Variants in NDST1 observed in about 807,000 individuals in gnomAD.
The protein encoded by NDST1 is N-deacetylase and N-sulfotransferase 1, also known as bifunctional heparan sulfate N-deacetylase/N-sulfotransferase 1.
NDST1 carries 35 observed loss-of-function variants against 92.8 expected under a neutral mutation model. The ratio of observed to expected loss-of-function variants is 0.38; its 90% CI spans 0.29 to 0.50. The LOEUF is 0.50. Among genes scored for constraint, NDST1 ranks in the 20% least tolerant of loss-of-function variants. The probability of loss-of-function intolerance (pLI) is 0.94; values close to 1 mark genes in which losing one functional copy is unlikely to be tolerated. For synonymous variants in NDST1, 493 were observed against 500.3 expected, an observed-to-expected ratio of 0.99 and a Z score of 0.19; for missense variants, 822 against 1,182.7, an observed-to-expected ratio of 0.69 and a Z score of 4.47.
At chr5:150,546,990 G>A (rs1224723608) in intron 11 of NDST1, among the ~76,000 whole-genome samples, 1 of 152,204 alleles carries the variant, frequency 6.6e-6, no homozygotes, top group African/African-American at 2.4e-5. Context: ...GGGAACGTAG[G>A]GTAGAGAGAG....
chr5:150,525,606 T>C (rs935163226), intron 2 of NDST1, among the ~76,000 whole-genome samples: 1 of 152,116 alleles, frequency 6.6e-6, no homozygotes, highest in African/African-American at 2.4e-5. Context: ...ACTCTTGATG[T>C]TTGGAGAATC....
intron 1 of NDST1, among the ~76,000 whole-genome samples, chr5:150,511,345 A>G (rs1561588797): frequency 6.6e-6 from 1 of 152,176 alleles, no homozygotes; most frequent in Non-Finnish European, 1.5e-5. Flanking sequence ...TGGGAGCCCC[A>G]TGTTCTAGTT....
intron 10 of NDST1, among the ~76,000 whole-genome samples, chr5:150,543,943 C>A (rs1392588563): frequency 6.6e-6 from 1 of 152,192 alleles, no homozygotes; most frequent in Non-Finnish European, 1.5e-5. Context: ...CCATGCCTGG[C>A]TAATTTTTGT....
At chr5:150,513,369 T>C (rs1753811865) in intron 1 of NDST1, among the ~76,000 whole-genome samples, 2 of 152,116 alleles carry the variant, frequency 1.3e-5, no homozygotes, top group South Asian at 4.1e-4. Context: ...CAGGTGCCTG[T>C]AATCCCCACT....
upstream of NDST1, among the ~76,000 whole-genome samples, chr5:150,504,298 G>GATGGTGGGGGTTCTGGA (rs1753356600): frequency 2.6e-5 from 4 of 152,312 alleles, no homozygotes; most frequent in South Asian, 8.3e-4. Context: ...GATGTTCCAA[G>GATGGTGGGGGTTCTGGA]GACTTTTCTT....
rs988660118 is a variant in NDST1, at chr5:150,553,577, G to T, written c.*245G>T. 2.0e-6 allele frequency: 1 copy of T among 506,762 alleles called. No homozygotes were observed. Among genetic ancestry groups the T allele is most frequent in the Admixed American group, 2.9e-5 (1 of 34,614 alleles). The allele number at this position is 506,762 out of a possible 1,614,324, so 31.4% of individuals were successfully genotyped here. On this transcript the variant is annotated 3_prime_UTR_variant, in exon 15 of 15. Transcript: ENST00000261797. The surrounding 1 kb of genome is among the most constrained non-coding windows in gnomAD (Gnocchi z 4.2). ...GCAGAGGTCCATTCCGTTCCCAGCT[G>T]CTCCTGGGGAGGCCGCTTCCTGGTA...
At chr5:150,512,638 C>T (rs1239615736) in intron 1 of NDST1, among the ~76,000 whole-genome samples, 1 of 152,252 alleles carries the variant, frequency 6.6e-6, no homozygotes, top group Non-Finnish European at 1.5e-5. Flanking sequence ...CAATTCACTA[C>T]TAATTTGATA....
rs776746123 is a variant in NDST1, at chr5:150,554,326, C to T, written c.*994C>T. On this transcript the variant is annotated 3_prime_UTR_variant, in exon 15 of 15. Coordinates refer to ENST00000261797, the MANE Select transcript of NDST1 (RefSeq NM_001543.5). ...GAGTTTATACCCTGGGTGCTGGGGT[C>T]GCACTGTGTTATATATATATATATA... is the stretch of plus-strand genomic sequence containing the variant. 19 of 205,184 alleles carry T rather than the reference C, an allele frequency of 9.3e-5. No homozygotes were observed. The highest frequency in any genetic ancestry group is 8.1e-4 in the East Asian group (10 of 12,304). The allele number at this position is 205,184 out of a possible 1,614,324, so 12.7% of individuals were successfully genotyped here. A position where few individuals can be genotyped will look rare whatever the true frequency, so the allele number is the denominator to read the frequency against.
At position 150,553,199 on chromosome 5, in the gene NDST1, C is replaced by T. The variant is rs1755798727; in HGVS notation, c.2530-14C>T. 1.2e-6 allele frequency: 2 copies of T among 1,611,622 alleles called. No homozygotes were observed. Among genetic ancestry groups the T allele is most frequent in the Non-Finnish European group, 1.7e-6 (2 of 1,178,340 alleles). On this transcript the variant is annotated splice_polypyrimidine_tract_variant and intron_variant, in intron 14 of 14. Coordinates refer to ENST00000261797, the MANE Select transcript of NDST1 (RefSeq NM_001543.5). The surrounding 1 kb of genome is among the most constrained non-coding windows in gnomAD (Gnocchi z 4.2). ...AGTCAGTACACAAGGTCTGAGCTTT[C>T]CTTCCCGTTACAGTCCCGAGCCTTC...
In NDST1 at chr5:150,545,394, G is replaced by A. The variant is rs760214707; in HGVS notation, c.2053G>A (p.Val685Met). 1.2e-6 allele frequency: 2 copies of A among 1,614,248 alleles called. No individual in the cohort carries two copies. Among genetic ancestry groups the A allele is most frequent in the South Asian group, 1.1e-5 (1 of 91,080 alleles). ...EKSANYFDSE[V>M]APRRAAALLP... ...AAGCGCCAACTACTTTGATTCAGAA[G>A]TGGCGCCCCGGCGGGCAGCAGCCCT... The change falls in exon 11 of 15, where the codon GTG (valine) becomes ATG (methionine). Residue 685 changes from valine (V) to methionine (M), a missense_variant. Coordinates refer to ENST00000261797, the MANE Select transcript of NDST1 (RefSeq NM_001543.5).
intron 7 of NDST1, 124 bp from the exon 8 acceptor site, chr5:150,539,958 C>A: frequency 1.5e-6 from 2 of 1,337,250 alleles, no homozygotes; most frequent in East Asian, 2.5e-5. Flanking sequence ...ACAGCGCCAG[C>A]GTAACTTCCA....
intron 1 of NDST1, among the ~76,000 whole-genome samples, chr5:150,513,211 C>T (rs560102522): frequency 6.6e-6 from 1 of 152,050 alleles, no homozygotes; most frequent in Non-Finnish European, 1.5e-5. Context: ...TGAAAATATG[C>T]TGGGCACAGT....
chr5:150,501,335 G>A (rs747713011), intron 1 of NDST1, among the ~76,000 whole-genome samples: 5 of 152,172 alleles, frequency 3.3e-5, no homozygotes, highest in South Asian at 2.1e-4. Context: ...GGGTGGCGGC[G>A]GTCCAGTCCA....
At chr5:150,529,287 G>A (rs1754613460) in intron 3 of NDST1, among the ~76,000 whole-genome samples, 1 of 151,302 alleles carries the variant, frequency 6.6e-6, no homozygotes, top group East Asian at 1.9e-4. Context: ...AGCTATCTGG[G>A]AGGCTGAGGC....
Position 150,521,252 on chromosome 5 carries a change from A to G in NDST1, c.-3A>G, listed in dbSNP as rs764802372. On this transcript the variant is annotated 5_prime_UTR_variant, in exon 2 of 15. Transcript: ENST00000261797. This position sits in a 1 kb window ranked among gnomAD's most constrained non-coding sequence, Gnocchi z 5.9. ...TCCGGTGGCCAAGGTCTCGGAGGCC[A>G]GGATGCCTGCCCTGGCATGCCTCCG... is the stretch of plus-strand genomic sequence containing the variant. The G allele has an allele frequency of 6.2e-6, 10 of 1,604,520 alleles. No individual in the cohort carries two copies. In the African/African-American group the frequency reaches 1.2e-4, roughly 19 times the overall value.
At chr5:150,513,712 C>T (rs930252863) in intron 1 of NDST1, among the ~76,000 whole-genome samples, 1 of 152,238 alleles carries the variant, frequency 6.6e-6, no homozygotes, top group African/African-American at 2.4e-5. Flanking sequence ...CTCTTGGTCT[C>T]ATTCCTGGAG....
In NDST1 at chr5:150,543,054, C is replaced by G. The variant is rs530412283; in HGVS notation, c.1970+83C>G. 5,939 of 1,574,614 alleles carry G rather than the reference C, an allele frequency of 3.8e-3. 14 individuals carry two copies. The highest frequency in any genetic ancestry group is 6.1e-3 in the Middle Eastern group (34 of 5,606). On this transcript the variant is annotated intron_variant, in intron 10 of 14. Coordinates refer to ENST00000261797, the MANE Select transcript of NDST1 (RefSeq NM_001543.5). Reference sequence around the variant, plus strand: ...AGTCTGCTGTGGCCACAGCAGGAAGCAGCTGGAGCTTGCTCACACACAGCT... The same window carrying G: ...AGTCTGCTGTGGCCACAGCAGGAAGGAGCTGGAGCTTGCTCACACACAGCT...
At chr5:150,501,045 T>C (rs1291001651) in intron 1 of NDST1, among the ~76,000 whole-genome samples, 1 of 152,168 alleles carries the variant, frequency 6.6e-6, no homozygotes, top group Admixed American at 6.5e-5. Context: ...ATGAAACCGG[T>C]TGGGTGTGCA....
At chr5:150,513,118 C>G (rs748335391) in intron 1 of NDST1, among the ~76,000 whole-genome samples, 1 of 151,412 alleles carries the variant, frequency 6.6e-6, no homozygotes, top group South Asian at 2.1e-4. Flanking sequence ...ATCACTTGAG[C>G]GTGGGAAGTT....
Sources: allele counts gnomAD v4.1 joint callset (sites outside exome capture counted in the v4.1 genomes callset), GRCh38; gene constraint gnomAD v4.1.1; non-coding constraint Gnocchi (gnomAD v3.1); transcripts MANE v1.5; gene names NCBI Gene and HGNC (gene_info 2026-07-23, HGNC 2026-07-21).